The following DNAH5 variants were observed in gnomAD, a reference collection of about 807,000 sequenced individuals.
DNAH5 encodes axonemal beta dynein heavy chain 5.
DNAH5 carries 372 observed loss-of-function variants against 518.2 expected under a neutral mutation model. That is an observed-to-expected ratio of 0.72 (90% CI 0.66 to 0.78). The LOEUF is 0.78. Ranked by LOEUF, DNAH5 falls within the 30% of genes least tolerant of loss-of-function variation. The probability of loss-of-function intolerance (pLI) is 0.00; values close to 1 mark genes in which losing one functional copy is unlikely to be tolerated. For missense variants in DNAH5, 5,523 were observed against 5,687.0 expected (o/e 0.97, Z 0.93); for synonymous variants, 2,039 against 2,025.9 (o/e 1.01, Z -0.17).
chr5:13,778,518 A>AGGGGG (rs1754469882), intron 53 of DNAH5, among the ~76,000 whole-genome samples: 1 of 114,468 alleles, frequency 8.7e-6, no homozygotes, highest in African/African-American at 3.2e-5. Flanking sequence ...GAGGGAGGGG[A>AGGGGG]GAGAAAGTGA....
chr5:13,829,767 A>G (rs1763394118), intron 37 of DNAH5, 63 bp from the exon 38 acceptor site: 1 of 1,490,718 alleles, frequency 6.7e-7, no homozygotes, highest in African/African-American at 1.4e-5. Context: ...CATCATATTA[A>G]AAGATTCATT....
chr5:13,918,508 C>T (rs1418050391), intron 7 of DNAH5, among the ~76,000 whole-genome samples: 4 of 152,152 alleles, frequency 2.6e-5, no homozygotes, highest in Non-Finnish European at 5.9e-5. Flanking sequence ...CTCACTCTGT[C>T]ACCCAGGCTG....
chr5:13,908,509 G>A (rs1775625001), intron 12 of DNAH5, among the ~76,000 whole-genome samples: 1 of 152,176 alleles, frequency 6.6e-6, no homozygotes, highest in African/African-American at 2.4e-5. Context: ...GACTTTTCTT[G>A]TTCTGAGCCT....
intron 1 of DNAH5, among the ~76,000 whole-genome samples, chr5:13,967,972 G>A (rs1173776564): frequency 6.6e-6 from 1 of 152,170 alleles, no homozygotes; most frequent in Admixed American, 6.5e-5. Flanking sequence ...CCATTTGTTT[G>A]TGTTGTCTAT....
At chr5:13,729,339 A>C in intron 69 of DNAH5, 100 bp downstream of exon 69, 1 of 1,495,690 alleles carries the variant, frequency 6.7e-7, no homozygotes, top group South Asian at 1.1e-5. Flanking sequence ...AAGAGTGACA[A>C]TATTAAGAAC....
chr5:13,737,118 A>G (rs1306771028), intron 66 of DNAH5, 134 bp downstream of exon 66: 1 of 1,438,160 alleles, frequency 7.0e-7, no homozygotes, highest in African/African-American at 1.4e-5. Context: ...AATATTTCCC[A>G]ACAGAAATTC....
chr5:13,974,635 C>T (rs1782107682), intron 1 of DNAH5, among the ~76,000 whole-genome samples: 2 of 152,106 alleles, frequency 1.3e-5, no homozygotes, highest in Non-Finnish European at 2.9e-5. Context: ...TCCTTCATGC[C>T]CAGGGAGGCT....
At position 13,900,206 on chromosome 5, in the gene DNAH5, C is replaced by T; in HGVS notation, c.2259G>A (p.Lys753=). The T allele has an allele frequency of 6.2e-7, 1 of 1,612,032 alleles. No individual in the cohort carries two copies. Among genetic ancestry groups the T allele is most frequent in the Non-Finnish European group, 8.5e-7 (1 of 1,178,196 alleles). The part of the protein sequence containing the change: ...DRYKRNFSNM[K]MMLAEYQRVK... Reference sequence around the variant, plus strand: ...GGGGGAAAAAATAAAAGTAGTATACCTTCATGTTACTGAAGTTCCTTTTGT... The same window carrying T: ...GGGGGAAAAAATAAAAGTAGTATACTTTCATGTTACTGAAGTTCCTTTTGT... The change falls in exon 15 of 79, where the codon AAG becomes AAA. Residue 753 remains lysine, a splice_region_variant and synonymous_variant. Coordinates refer to ENST00000265104, the MANE Select transcript of DNAH5 (RefSeq NM_001369.3).
At chr5:13,815,881 G>A (rs956193560) in intron 42 of DNAH5, among the ~76,000 whole-genome samples, 3 of 152,162 alleles carry the variant, frequency 2.0e-5, no homozygotes, top group African/African-American at 7.2e-5. Context: ...TTAAAGCTGT[G>A]GGACTGGGTA....
chr5:13,752,512 C>T (rs1477134217), intron 63 of DNAH5, among the ~76,000 whole-genome samples: 2 of 152,204 alleles, frequency 1.3e-5, no homozygotes, highest in African/African-American at 4.8e-5. Flanking sequence ...TGAATGTACA[C>T]AAACTTTGTT....
chr5:13,714,284 T>G, intron 75 of DNAH5, 121 bp downstream of exon 75: 1 of 1,108,596 alleles, frequency 9.0e-7, no homozygotes, highest in Non-Finnish European at 1.3e-6. Flanking sequence ...GAAGCTGGTT[T>G]TTAAAAGAAT....
chr5:13,983,667 C>T (rs1263966956), intron 1 of DNAH5, among the ~76,000 whole-genome samples: 1 of 152,160 alleles, frequency 6.6e-6, no homozygotes, highest in Non-Finnish European at 1.5e-5. Context: ...TGGGAATGAG[C>T]AGAGCCCCCC....
intron 15 of DNAH5, chr5:13,897,857 A>T (rs1035406517): frequency 3.3e-5 from 5 of 152,236 alleles, no homozygotes; most frequent in African/African-American, 1.2e-4. Flanking sequence ...GTAGGTTTAC[A>T]GTCCAACAGA....
intron 47 of DNAH5, among the ~76,000 whole-genome samples, chr5:13,803,049 A>G (rs5020720): frequency 6.6e-6 from 1 of 150,596 alleles, no homozygotes; most frequent in Admixed American, 6.7e-5. Flanking sequence ...TATATATGAA[A>G]GCAATTCATG....
intron 76 of DNAH5, among the ~76,000 whole-genome samples, chr5:13,702,944 G>A (rs1002446925): frequency 4.0e-5 from 6 of 151,482 alleles, no homozygotes; most frequent in African/African-American, 1.2e-4. Context: ...CCAACCTCAC[G>A]TCTGTAGGCT....
chr5:13,902,491 A>G (rs1442927899), intron 12 of DNAH5, among the ~76,000 whole-genome samples: 4 of 152,204 alleles, frequency 2.6e-5, no homozygotes, highest in Non-Finnish European at 4.4e-5. Flanking sequence ...AGTGCTGCCC[A>G]GTACATGCAA....
intron 1 of DNAH5, among the ~76,000 whole-genome samples, chr5:14,000,835 A>G (rs1784302337): frequency 6.6e-6 from 1 of 152,210 alleles, no homozygotes; most frequent in African/African-American, 2.4e-5. Flanking sequence ...AAAAAGACAC[A>G]TGCACTGGTA....
chr5:13,874,385 A>C (rs757497634), intron 22 of DNAH5, among the ~76,000 whole-genome samples: 3 of 152,198 alleles, frequency 2.0e-5, no homozygotes, highest in Admixed American at 6.6e-5. Context: ...TTAAATTGGA[A>C]CTTTTTCACA....
intron 47 of DNAH5, among the ~76,000 whole-genome samples, chr5:13,796,632 A>G (rs1262131813): frequency 6.6e-6 from 1 of 152,234 alleles, no homozygotes; most frequent in Non-Finnish European, 1.5e-5. Flanking sequence ...TGCCCAAAGT[A>G]ATTTATAGAT....
Sources: gnomAD v4.1 joint callset for allele counts (sites outside exome capture counted in the v4.1 genomes callset) on GRCh38, gnomAD v4.1.1 for gene constraint, MANE v1.5 for transcripts, NCBI Gene and HGNC (gene_info 2026-07-23, HGNC 2026-07-21) for gene names.